The following NEDD4 variants were observed in gnomAD, a reference collection of about 807,000 sequenced individuals.
The protein encoded by NEDD4 is NEDD4 E3 ubiquitin protein ligase.
Under a neutral mutation model 144.9 loss-of-function variants are expected in NEDD4, and 99 were observed. The observed-to-expected ratio is 0.68, with a 90% CI of 0.58 to 0.81. The LOEUF is 0.81. Among genes scored for constraint, NEDD4 ranks in the 30% least tolerant of loss-of-function variants. NEDD4 has a pLI of 0.00. For synonymous variants in NEDD4, 318 were observed against 350.6 expected (o/e 0.91, Z 1.04); for missense variants, 985 against 1,065.9 (o/e 0.92, Z 1.06).
intron 4 of NEDD4, among the ~76,000 whole-genome samples, chr15:55,932,798 A>T (rs1171882953): frequency 6.6e-6 from 1 of 152,224 alleles, no homozygotes; most frequent in African/African-American, 2.4e-5. Flanking sequence ...TCCAAAATCT[A>T]CAAAGAACTT....
chr15:55,862,916 G>A lies in NEDD4; in HGVS notation c.671C>T (p.Pro224Leu), dbSNP rs1479945025. 3 of 1,597,532 alleles carry A rather than the reference G, an allele frequency of 1.9e-6. No individual in the cohort carries two copies. The highest frequency in any genetic ancestry group is 2.6e-6 in the Non-Finnish European group (3 of 1,170,208). Reference sequence around the variant, plus strand: ...TGTGAAAGCCATCAGCACATACTGAGGGGTTGGTCTTTTCCACTGTGTTCT... The same window carrying A: ...TGTGAAAGCCATCAGCACATACTGAAGGGTTGGTCTTTTCCACTGTGTTCT... ...SRRTQWKRPT[P>L]QDNLTDAENG... The change falls in exon 9 of 29, where the codon CCT becomes CTT. Residue 224 changes from proline to leucine, a missense_variant. By Grantham distance (98) the Pro-to-Leu change is moderately conservative. Coordinates refer to ENST00000435532, the MANE Select transcript of NEDD4 (RefSeq NM_006154.4).
chr15:55,909,022 A>G (rs989240092), intron 5 of NEDD4, among the ~76,000 whole-genome samples: 2 of 152,232 alleles, frequency 1.3e-5, no homozygotes, highest in Non-Finnish European at 2.9e-5. Flanking sequence ...TATATCATCA[A>G]TATCTTGCTT....
At chr15:55,909,789 C>A (rs1595831524) in intron 5 of NEDD4, among the ~76,000 whole-genome samples, 1 of 152,198 alleles carries the variant, frequency 6.6e-6, no homozygotes, top group South Asian at 2.1e-4. Flanking sequence ...GCAACATAGA[C>A]AGAATTGCCT....
chr15:55,896,682 T>G (rs1258220426), intron 5 of NEDD4, among the ~76,000 whole-genome samples: 1 of 152,074 alleles, frequency 6.6e-6, no homozygotes, highest in Non-Finnish European at 1.5e-5. Context: ...TTCAGGAGGG[T>G]ATTTCTGGTA....
chr15:55,974,891 C>CTTTTTTTTTTTTTTTTTTTTTTTTT lies in NEDD4; in HGVS notation c.46-8346_46-8345insAAAAAAAAAAAAAAAAAAAAAAAAA, dbSNP rs56285555. On this transcript the variant is annotated intron_variant, in intron 1 of 28. Coordinates refer to ENST00000435532, the MANE Select transcript of NEDD4 (RefSeq NM_006154.4). ...TAAGGATGTCCATTTCTTTTCCTTT[C>CTTTTTTTTTTTTTTTTTTTTTTTTT]TTTTTTTTTTTTTTTTTTTTTGAGA... Among the ~76,000 whole-genome samples, 56 of 75,706 alleles carry CTTTTTTTTTTTTTTTTTTTTTTTTT rather than the reference C, an allele frequency of 7.4e-4. 6 individuals carry two copies. The highest frequency in any genetic ancestry group is 9.6e-4 in the Admixed American group (5 of 5,234). 49.7% of individuals were successfully genotyped at this position (75,706 alleles called of 152,430 possible). A position where few individuals can be genotyped will look rare whatever the true frequency, so the allele number is the denominator to read the frequency against.
At chr15:55,925,775 AG>A (rs2036650221) in intron 4 of NEDD4, among the ~76,000 whole-genome samples, 1 of 152,306 alleles carries the variant, frequency 6.6e-6, no homozygotes, top group African/African-American at 2.4e-5. Flanking sequence ...TTTTACCTAC[AG>A]CCACGTTCCC....
chr15:55,878,762 GA>G (rs1487074306), intron 5 of NEDD4, among the ~76,000 whole-genome samples: 3 of 152,250 alleles, frequency 2.0e-5, no homozygotes, highest in South Asian at 2.1e-4. Context: ...GCGATGAAAT[GA>G]AATGAACGGA....
At chr15:55,925,737 A>G (rs781217262) in intron 4 of NEDD4, among the ~76,000 whole-genome samples, 5 of 152,186 alleles carry the variant, frequency 3.3e-5, no homozygotes, top group Non-Finnish European at 7.3e-5. Flanking sequence ...CTCAGTGTCT[A>G]CTTTTCCCTC....
intron 1 of NEDD4, among the ~76,000 whole-genome samples, chr15:55,991,620 G>C (rs2037989716): frequency 6.6e-6 from 1 of 152,150 alleles, no homozygotes. Flanking sequence ...AATAGAGCGG[G>C]GACAGAAGCA....
chr15:55,848,455 A>G, intron 16 of NEDD4, 25 bp from the exon 17 acceptor site: 64 of 1,613,636 alleles, frequency 4.0e-5, no homozygotes, highest in Non-Finnish European at 5.4e-5. Context: ...AAGAAAAAAG[A>G]TGTACTTTCT....
At chr15:55,955,719 C>T (rs1389877890) in intron 2 of NEDD4, among the ~76,000 whole-genome samples, 1 of 151,580 alleles carries the variant, frequency 6.6e-6, no homozygotes, top group African/African-American at 2.4e-5. Flanking sequence ...TGGTAATCTG[C>T]CCATGTTGTA....
intron 2 of NEDD4, among the ~76,000 whole-genome samples, chr15:55,951,805 G>C (rs573854986): frequency 6.6e-6 from 1 of 152,036 alleles, no homozygotes; most frequent in South Asian, 2.1e-4. Flanking sequence ...AAGACACAAA[G>C]AACTAGAAAG....
intron 27 of NEDD4, among the ~76,000 whole-genome samples, chr15:55,830,798 C>G (rs1269842994): frequency 6.6e-6 from 1 of 152,204 alleles, no homozygotes; most frequent in Non-Finnish European, 1.5e-5. Flanking sequence ...CTCCTGGGCT[C>G]AAGTGATCCT....
chr15:55,975,282 A>C (rs2037681219), intron 1 of NEDD4, among the ~76,000 whole-genome samples: 2 of 152,152 alleles, frequency 1.3e-5, no homozygotes, highest in South Asian at 4.1e-4. Context: ...TAAATTAGAA[A>C]GGAAGACATC....
chr15:55,935,736 A>T (rs1241523410), intron 4 of NEDD4, among the ~76,000 whole-genome samples: 1 of 150,216 alleles, frequency 6.7e-6, no homozygotes, highest in Non-Finnish European at 1.5e-5. Flanking sequence ...AGTCCCAGCT[A>T]CTCGGGAGGC....
intron 18 of NEDD4, among the ~76,000 whole-genome samples, chr15:55,845,848 C>T (rs541577460): frequency 2.1e-4 from 31 of 149,162 alleles, no homozygotes; most frequent in African/African-American, 6.4e-4. Context: ...TGCAGTGGCG[C>T]GATCTTGGCT....
At chr15:55,856,525 A>G (rs1266178667) in intron 11 of NEDD4, among the ~76,000 whole-genome samples, 2 of 152,110 alleles carry the variant, frequency 1.3e-5, no homozygotes, top group Admixed American at 6.5e-5. Context: ...ATCTTTTGTC[A>G]CTTTGATTAC....
intron 5 of NEDD4, among the ~76,000 whole-genome samples, chr15:55,879,408 A>T (rs2035105362): frequency 6.6e-6 from 1 of 152,208 alleles, no homozygotes; most frequent in South Asian, 2.1e-4. Context: ...TATAGATATT[A>T]AATCCAGGAA....
At chr15:55,870,601 A>G (rs990809982) in intron 7 of NEDD4, among the ~76,000 whole-genome samples, 2 of 144,728 alleles carry the variant, frequency 1.4e-5, no homozygotes, top group Non-Finnish European at 3.0e-5. Context: ...TGGCTCAATT[A>G]CGGTTCACTG....
Sources: allele counts gnomAD v4.1 joint callset (sites outside exome capture counted in the v4.1 genomes callset), GRCh38; gene constraint gnomAD v4.1.1; transcripts MANE v1.5; gene names NCBI Gene and HGNC (gene_info 2026-07-23, HGNC 2026-07-21).